SWAP70: variants seen among roughly 807,000 people sequenced by gnomAD.
The protein encoded by SWAP70 is switch-associated protein 70.
Under a neutral mutation model 80.2 loss-of-function variants are expected in SWAP70, and 34 were observed. The observed-to-expected ratio is 0.42, with a 90% CI of 0.32 to 0.56. The LOEUF is 0.56. SWAP70 is among the 20% of genes least tolerant of loss of function. The probability of loss-of-function intolerance (pLI) is 0.09; values close to 1 mark genes in which losing one functional copy is unlikely to be tolerated. For synonymous variants in SWAP70, 239 were observed against 238.5 expected (o/e 1.00, Z -0.02); for missense variants, 578 against 690.7 (o/e 0.84, Z 1.83).
chr11:9,729,294 C>A, intron 5 of SWAP70, 49 bp from the exon 6 acceptor site: 1 of 1,119,564 alleles, frequency 8.9e-7, no homozygotes, highest in Non-Finnish European at 1.3e-6. Flanking sequence ...AATTGAATTT[C>A]ATTTAAATAC....
At chr11:9,709,074 TA>T (rs1850960345) in intron 2 of SWAP70, among the ~76,000 whole-genome samples, 2 of 151,922 alleles carry the variant, frequency 1.3e-5, no homozygotes, top group African/African-American at 4.8e-5. Context: ...CCCTACTAAT[TA>T]AAAAATGTTT....
intron 2 of SWAP70, among the ~76,000 whole-genome samples, chr11:9,702,279 T>C (rs1289302080): frequency 6.6e-6 from 1 of 152,188 alleles, no homozygotes; most frequent in Non-Finnish European, 1.5e-5. Flanking sequence ...AACAACATCA[T>C]TTAGTAGGAA....
At position 9,727,261 on chromosome 11, in the gene SWAP70, G is replaced by A. The variant is rs79187967; in HGVS notation, c.643-792G>A. Among the ~76,000 whole-genome samples, 3,119 of 152,144 alleles carry A rather than the reference G, an allele frequency of 0.021. 277 individuals carry two copies. In the East Asian group the frequency reaches 0.28, roughly 14 times the overall value. Reference sequence around the variant, plus strand: ...AAATTAGCCAGGCATGGTGGCATGCGCTTGTAGTCCCAGCTACTCAGGAGG... The same window carrying A: ...AAATTAGCCAGGCATGGTGGCATGCACTTGTAGTCCCAGCTACTCAGGAGG... On this transcript the variant is annotated intron_variant, in intron 4 of 11. Transcript: ENST00000318950.
intron 1 of SWAP70, among the ~76,000 whole-genome samples, chr11:9,692,503 A>C (rs1850709269): frequency 6.6e-6 from 1 of 151,926 alleles, no homozygotes; most frequent in Non-Finnish European, 1.5e-5. Context: ...TCATATCCGT[A>C]CATAGCAAGC....
At chr11:9,748,190 G>A in intron 10 of SWAP70, 134 bp downstream of exon 10, 3 of 925,730 alleles carry the variant, frequency 3.2e-6, no homozygotes, top group Non-Finnish European at 4.8e-6. Flanking sequence ...AGAAAAAAGA[G>A]GGAGTTTTTA....
At chr11:9,710,629 A>G (rs1850983794) in intron 2 of SWAP70, among the ~76,000 whole-genome samples, 2 of 151,200 alleles carry the variant, frequency 1.3e-5, no homozygotes, top group South Asian at 4.2e-4. Context: ...CTCCTCCAGT[A>G]CATCTTCCAT....
At chr11:9,741,480 T>C (rs1359177048) in intron 9 of SWAP70, 1 of 152,234 alleles carries the variant, frequency 6.6e-6, no homozygotes, top group Non-Finnish European at 1.5e-5. Context: ...TCTACGGGAA[T>C]GTTTGAGTGC....
At chr11:9,722,170 G>A (rs428747) in intron 3 of SWAP70, among the ~76,000 whole-genome samples, 49,604 of 151,952 alleles carry the variant, frequency 0.33, 8,296 homozygotes, top group Non-Finnish European at 0.35. Flanking sequence ...CTCTGTATTT[G>A]TCTCATTTCA....
At chr11:9,725,267 TG>T (rs1051821005) in intron 4 of SWAP70, among the ~76,000 whole-genome samples, 24 of 151,064 alleles carry the variant, frequency 1.6e-4, no homozygotes, top group African/African-American at 5.6e-4. Flanking sequence ...TGTGACCCAC[TG>T]GGCCTGGCCT....
chr11:9,738,649 T>C (rs1408212889), intron 8 of SWAP70, among the ~76,000 whole-genome samples: 3 of 148,256 alleles, frequency 2.0e-5, no homozygotes, highest in Non-Finnish European at 1.5e-5. Flanking sequence ...TGAGAATTGC[T>C]TGAGCCCAGG....
chr11:9,687,986 C>T (rs1028892974), intron 1 of SWAP70, among the ~76,000 whole-genome samples: 1 of 152,160 alleles, frequency 6.6e-6, no homozygotes, highest in African/African-American at 2.4e-5. Context: ...GTTTCCAGCA[C>T]AGGGCATCAC....
At chr11:9,677,417 T>G (rs943968934) in intron 1 of SWAP70, among the ~76,000 whole-genome samples, 1 of 152,144 alleles carries the variant, frequency 6.6e-6, no homozygotes, top group Admixed American at 6.5e-5. Flanking sequence ...ATATAAATTT[T>G]ATAAAATTCT....
intron 1 of SWAP70, among the ~76,000 whole-genome samples, chr11:9,681,869 T>A (rs1429396332): frequency 6.6e-6 from 1 of 152,156 alleles, no homozygotes; most frequent in Non-Finnish European, 1.5e-5. Context: ...GAGAATACTA[T>A]GATGAAAGAT....
intron 1 of SWAP70, among the ~76,000 whole-genome samples, chr11:9,693,184 A>G (rs1850716042): frequency 6.6e-6 from 1 of 152,236 alleles, no homozygotes; most frequent in African/African-American, 2.4e-5. Context: ...CCTGGGGTTC[A>G]ACTAGGAAGA....
intron 7 of SWAP70, among the ~76,000 whole-genome samples, chr11:9,737,136 T>C (rs200501956): frequency 6.6e-6 from 1 of 152,236 alleles, no homozygotes; most frequent in Non-Finnish European, 1.5e-5. Context: ...TCTCAGCCAC[T>C]CTTGCCTGGA....
intron 1 of SWAP70, among the ~76,000 whole-genome samples, chr11:9,689,110 A>T (rs1181981126): frequency 6.6e-6 from 1 of 152,156 alleles, no homozygotes; most frequent in Admixed American, 6.6e-5. Flanking sequence ...TTCAGTGTTG[A>T]ATCTTGCCCA....
chr11:9,667,991 C>T (rs1051783760), intron 1 of SWAP70, among the ~76,000 whole-genome samples: 4 of 152,180 alleles, frequency 2.6e-5, no homozygotes, highest in South Asian at 2.1e-4. Context: ...TGGGTTCAAG[C>T]GATTCTCCTG....
Position 9,749,952 on chromosome 11 carries a change from G to A in SWAP70, c.1740G>A (p.Glu580=). The A allele has an allele frequency of 6.2e-7, 1 of 1,613,520 alleles. No individual in the cohort carries two copies. Among genetic ancestry groups the A allele is most frequent in the Middle Eastern group, 1.7e-4 (1 of 6,060 alleles). The change falls in exon 12 of 12, where the codon GAG becomes GAA. Residue 580 remains glutamate, a synonymous_variant. Transcript: ENST00000318950. The part of the protein sequence containing the change: ...ELEEREKNWK[E]KKTTE Reference sequence around the variant, plus strand: ...AAGAGAGAGAGAAGAACTGGAAAGAGAAAAAGACCACGGAGTGACTGAGCT... The same window carrying A: ...AAGAGAGAGAGAAGAACTGGAAAGAAAAAAAGACCACGGAGTGACTGAGCT...
At chr11:9,717,681 C>A (rs1851083717) in intron 3 of SWAP70, among the ~76,000 whole-genome samples, 6 of 140,894 alleles carry the variant, frequency 4.3e-5, no homozygotes, top group Admixed American at 7.0e-5. Context: ...AAAAAAATTA[C>A]AGTATTTTAA....
Sources: allele counts gnomAD v4.1 joint callset (sites outside exome capture counted in the v4.1 genomes callset), GRCh38; gene constraint gnomAD v4.1.1; transcripts MANE v1.5; gene names NCBI Gene and HGNC (gene_info 2026-07-23, HGNC 2026-07-21).